The following MTHFD1L variants were observed in gnomAD, a reference collection of about 807,000 sequenced individuals.
MTHFD1L encodes monofunctional C1-tetrahydrofolate synthase, mitochondrial.
In MTHFD1L, 81 loss-of-function variants were observed where a neutral mutation model predicts 119.5. That is an observed-to-expected ratio of 0.68 (90% CI 0.57 to 0.82). MTHFD1L has a LOEUF of 0.82. Ranked by LOEUF, MTHFD1L falls within the 40% of genes least tolerant of loss-of-function variation. The pLI, the probability that MTHFD1L is intolerant of heterozygous loss-of-function variation, is 0.00. For missense variants in MTHFD1L, 1,125 were observed against 1,253.4 expected (o/e 0.90, Z 1.55); for synonymous variants, 430 against 475.2 (o/e 0.90, Z 1.24).
intron 26 of MTHFD1L, among the ~76,000 whole-genome samples, chr6:151,066,383 A>G (rs1193878486): frequency 7.8e-6 from 1 of 127,464 alleles, no homozygotes; most frequent in Admixed American, 9.8e-5. Flanking sequence ...CTTGCAAGTG[A>G]GCTGAGATCA....
At chr6:150,918,528 G>A (rs762988634) in intron 8 of MTHFD1L, 49 bp from the exon 9 acceptor site, 1 of 1,289,500 alleles carries the variant, frequency 7.8e-7, no homozygotes, top group South Asian at 1.2e-5. Flanking sequence ...CAATTGGTTA[G>A]AAATGACAGT....
intron 26 of MTHFD1L, among the ~76,000 whole-genome samples, chr6:151,054,743 A>C (rs1246583579): frequency 1.3e-5 from 2 of 152,184 alleles, no homozygotes; most frequent in African/African-American, 4.8e-5. Context: ...ACCCATCAAA[A>C]GGAAGCTAAA....
chr6:151,062,915 A>G (rs1337818100), intron 26 of MTHFD1L, among the ~76,000 whole-genome samples: 2 of 152,142 alleles, frequency 1.3e-5, no homozygotes, highest in Non-Finnish European at 2.9e-5. Context: ...GGATAGCATT[A>G]GGAGATATAC....
At chr6:150,959,488 C>T (rs1279622608) in intron 17 of MTHFD1L, among the ~76,000 whole-genome samples, 1 of 152,190 alleles carries the variant, frequency 6.6e-6, no homozygotes, top group East Asian at 1.9e-4. Context: ...CAACGTGGAG[C>T]CACAGCCAAG....
intron 11 of MTHFD1L, among the ~76,000 whole-genome samples, chr6:150,934,319 C>T (rs151108477): frequency 1.7e-4 from 26 of 152,312 alleles, no homozygotes; most frequent in Non-Finnish European, 3.4e-4. Context: ...ATTAATTTGC[C>T]GGGTCTCACC....
intron 7 of MTHFD1L, among the ~76,000 whole-genome samples, chr6:150,894,541 A>G (rs904655437): frequency 1.3e-5 from 2 of 152,144 alleles, no homozygotes; most frequent in Non-Finnish European, 1.5e-5. Context: ...ATCAACTTTA[A>G]GTGATGTCAC....
chr6:151,028,330 G>A (rs116103897), intron 24 of MTHFD1L, among the ~76,000 whole-genome samples: 2,054 of 152,176 alleles, frequency 0.013, 51 homozygotes, highest in African/African-American at 0.046. Flanking sequence ...GTTGCCTTAC[G>A]CCCAAAAGCA....
chr6:151,083,652 G>C lies in MTHFD1L; in HGVS notation c.2848-8815G>C, dbSNP rs1266165793. ...TTGGATTTTGCCAACCCACTAGAGA[G>C]TTACCAAAGCACATTTCTGACATAA... On this transcript the variant is annotated intron_variant, in intron 26 of 27. Transcript: ENST00000367321. Among the ~76,000 whole-genome samples, 3 of 152,162 alleles carry C rather than the reference G, an allele frequency of 2.0e-5. No individual in the cohort carries two copies. In the East Asian group the frequency reaches 5.8e-4, roughly 29 times the overall value.
At chr6:150,897,987 A>C (rs895241475) in intron 7 of MTHFD1L, among the ~76,000 whole-genome samples, 3 of 152,074 alleles carry the variant, frequency 2.0e-5, no homozygotes, top group African/African-American at 7.2e-5. Context: ...TGGGATTACA[A>C]GCATGCGCCA....
intron 26 of MTHFD1L, among the ~76,000 whole-genome samples, chr6:151,087,124 CTGTAA>C (rs1793880448): frequency 6.6e-6 from 1 of 152,076 alleles, no homozygotes; most frequent in Admixed American, 6.6e-5. Flanking sequence ...CGGCGGGCAC[CTGTAA>C]TCCCAGCTAT....
intron 4 of MTHFD1L, among the ~76,000 whole-genome samples, chr6:150,879,341 G>A (rs1429847560): frequency 6.6e-6 from 1 of 152,040 alleles, no homozygotes; most frequent in Non-Finnish European, 1.5e-5. Flanking sequence ...AGGCTGGAGT[G>A]CGGTGGTGCA....
At chr6:151,081,205 T>G (rs1793127886) in intron 26 of MTHFD1L, among the ~76,000 whole-genome samples, 1 of 152,078 alleles carries the variant, frequency 6.6e-6, no homozygotes, top group South Asian at 2.1e-4. Context: ...CGTCACAGGG[T>G]AGTCCTGAAT....
chr6:151,090,695 C>T (rs76414879), intron 26 of MTHFD1L, among the ~76,000 whole-genome samples: 4,107 of 152,338 alleles, frequency 0.027, 182 homozygotes, highest in African/African-American at 0.093. Context: ...ACCCTGGATG[C>T]CATCAGGTGC....
At chr6:150,916,323 A>G (rs1176821680) in intron 8 of MTHFD1L, among the ~76,000 whole-genome samples, 6 of 92,564 alleles carry the variant, frequency 6.5e-5, no homozygotes. Context: ...TTTTTTTCAG[A>G]TAGAGTTTCA....
chr6:150,979,710 G>T (rs1056996718), intron 20 of MTHFD1L, among the ~76,000 whole-genome samples: 2 of 152,036 alleles, frequency 1.3e-5, no homozygotes, highest in Admixed American at 6.6e-5. Context: ...ATGTTAGCCA[G>T]GCTAGTCTCA....
At chr6:150,955,495 GTTTTTTT>G (rs142879620) in intron 16 of MTHFD1L, among the ~76,000 whole-genome samples, 7 of 117,116 alleles carry the variant, frequency 6.0e-5, no homozygotes, top group African/African-American at 6.2e-5. Flanking sequence ...TGCTGGTTGG[GTTTTTTT>G]TTTTTTTTTT....
intron 20 of MTHFD1L, among the ~76,000 whole-genome samples, chr6:150,996,488 T>C (rs1293151387): frequency 6.6e-6 from 1 of 152,128 alleles, no homozygotes; most frequent in Non-Finnish European, 1.5e-5. Flanking sequence ...ATTCTTAACA[T>C]CAGCAGCAGC....
intron 26 of MTHFD1L, among the ~76,000 whole-genome samples, chr6:151,085,063 A>G (rs1793665885): frequency 6.7e-6 from 1 of 149,882 alleles, no homozygotes; most frequent in Non-Finnish European, 1.5e-5. Context: ...CATTGTTTAT[A>G]TAGGAATCAA....
At chr6:150,892,957 A>G (rs1761359044) in intron 7 of MTHFD1L, among the ~76,000 whole-genome samples, 1 of 152,214 alleles carries the variant, frequency 6.6e-6, no homozygotes, top group Non-Finnish European at 1.5e-5. Flanking sequence ...AAAGCCACCT[A>G]GGCATGGGTT....
Sources: allele counts gnomAD v4.1 joint callset (sites outside exome capture counted in the v4.1 genomes callset), GRCh38; gene constraint gnomAD v4.1.1; transcripts MANE v1.5; gene names NCBI Gene and HGNC (gene_info 2026-07-23, HGNC 2026-07-21).